The following TBC1D24 variants were observed in gnomAD, a reference collection of about 807,000 sequenced individuals.
TBC1D24 encodes the protein Infantile myoclonic epilepsy.
In TBC1D24, 47 loss-of-function variants were observed where a neutral mutation model predicts 50.7. That is an observed-to-expected ratio of 0.93 (90% confidence interval 0.73 to 1.18). TBC1D24 has a LOEUF of 1.18. TBC1D24 is among the 50% of genes most tolerant of loss of function. TBC1D24 has a pLI of 0.00. For missense variants in TBC1D24, 688 were observed against 766.5 expected, an observed-to-expected ratio of 0.90 and a Z score of 1.21; for synonymous variants, 324 against 335.2, an observed-to-expected ratio of 0.97 and a Z score of 0.36.
chr16:2,477,468 G>C (rs2065578079), intron 1 of TBC1D24: 1 of 152,264 alleles, frequency 6.6e-6, no homozygotes, highest in African/African-American at 2.4e-5. Context: ...GGGAAGCTGA[G>C]GCAGAAGGAT....
chr16:2,500,564 C>T lies in TBC1D24; in HGVS notation c.1525+74C>T. The T allele has an allele frequency of 6.8e-7, 1 of 1,465,734 alleles. No homozygotes were observed. The highest frequency in any genetic ancestry group is 2.0e-5 in the Admixed American group (1 of 49,756). 90.8% of individuals were successfully genotyped at this position (1,465,734 alleles called of 1,614,324 possible). A position where few individuals can be genotyped will look rare whatever the true frequency, so the allele number is the denominator to read the frequency against. On this transcript the variant is annotated intron_variant, in intron 7 of 7. Coordinates refer to ENST00000646147, the MANE Select transcript of TBC1D24 (RefSeq NM_001199107.2). This position sits in a 1 kb window ranked among gnomAD's most constrained non-coding sequence, Gnocchi z 8.0. ...AGCTGAAGCTGCTGCACCCAGCCCT[C>T]CCTGACCGGGGTGGCAGAGAAGAGG...
In TBC1D24 at chr16:2,487,359, G is replaced by A. The variant is rs957229298; in HGVS notation, c.-115-8675G>A. 1.3e-5 allele frequency among the ~76,000 whole-genome samples: 2 copies of A among 152,238 alleles called. No individual in the cohort carries two copies. Among genetic ancestry groups the A allele is most frequent in the Admixed American group, 6.5e-5 (1 of 15,286 alleles). The stretch of plus-strand genomic sequence containing the variant: ...ACTGCAGGACGAGGGAGCCGCGGTC[G>A]TATGCTGCCTCCTCACGTTTGCTGT... On this transcript the variant is annotated intron_variant, in intron 1 of 7. Transcript: ENST00000646147. The surrounding 1 kb of genome is among the most constrained non-coding windows in gnomAD (Gnocchi z 4.1).
chr16:2,493,251 G>A (rs1427172659), intron 1 of TBC1D24, among the ~76,000 whole-genome samples: 4 of 151,568 alleles, frequency 2.6e-5, no homozygotes, highest in Admixed American at 6.6e-5. Context: ...TCATTCTCCT[G>A]CCTCAGCCTC....
At position 2,496,625 on chromosome 16, in the gene TBC1D24, G is replaced by C. The variant is rs756939943; in HGVS notation, c.477G>C (p.Leu159=). The C allele has an allele frequency of 1.9e-6, 3 of 1,611,868 alleles. No individual in the cohort carries two copies. The highest frequency in any genetic ancestry group is 2.7e-5 in the African/African-American group (2 of 75,062). The change falls in exon 2 of 8, where the codon CTG becomes CTC. Residue 159 remains leucine, a synonymous_variant. Transcript: ENST00000646147. ...GCTTCGAGAAGGCCTGCCGCATCCT[G>C]GCCTGCAATGACCCCGGCAGGAGGC... ...AECFEKACRI[L]ACNDPGRRLI...
In TBC1D24 at chr16:2,501,508, G is replaced by A; in HGVS notation, c.*550G>A. 1 of 159,438 alleles carries A rather than the reference G, an allele frequency of 6.3e-6. No individual in the cohort carries two copies. Among genetic ancestry groups the A allele is most frequent in the Non-Finnish European group, 1.4e-5 (1 of 71,924 alleles). 9.9% of individuals were successfully genotyped at this position (159,438 alleles called of 1,614,324 possible). On this transcript the variant is annotated 3_prime_UTR_variant, in exon 8 of 8. Transcript: ENST00000646147. ...TGCCCCCTGGCGGACCCCACCCCCT[G>A]TCCTGGGCGTTTGCCCCAGTTCCCT...
Position 2,499,693 on chromosome 16 carries a change from C to T in TBC1D24, c.1207-142C>T, listed in dbSNP as rs903023297. 5 of 832,876 alleles carry T rather than the reference C, an allele frequency of 6.0e-6. No homozygotes were observed. The Admixed American group carries it at 9.2e-5, about 15-fold the overall frequency. The allele number at this position is 832,876 out of a possible 1,614,324, so 51.6% of individuals were successfully genotyped here. ...CACCTGCAACACTGCCTTTCCCACA[C>T]CACTCCTGCCCTGGGGTGGGGGTGG... On this transcript the variant is annotated intron_variant, in intron 5 of 7. Transcript: ENST00000646147. The surrounding 1 kb of genome is among the most constrained non-coding windows in gnomAD (Gnocchi z 4.0).
rs1335191484 is a variant in TBC1D24 at position 2,500,516 on chromosome 16, G to A, written c.1525+26G>A. 3 of 1,541,948 alleles carry A rather than the reference G, an allele frequency of 1.9e-6. No individual in the cohort carries two copies. Among genetic ancestry groups the A allele is most frequent in the Admixed American group, 3.9e-5 (2 of 51,174 alleles). Reference sequence around the variant, plus strand: ...GTGAGCGCCAGCAGACGGGGCTCTGGGATGAGGGTGTGGGGTCCGGGCAGC... The same window carrying A: ...GTGAGCGCCAGCAGACGGGGCTCTGAGATGAGGGTGTGGGGTCCGGGCAGC... On this transcript the variant is annotated intron_variant, in intron 7 of 7. Transcript: ENST00000646147. The surrounding 1 kb of genome is among the most constrained non-coding windows in gnomAD (Gnocchi z 8.0).
In TBC1D24 at chr16:2,496,524, C is replaced by T. The variant is rs1392340707; in HGVS notation, c.376C>T (p.Pro126Ser). 2 of 1,608,812 alleles carry T rather than the reference C, an allele frequency of 1.2e-6. No individual in the cohort carries two copies. Among genetic ancestry groups the T allele is most frequent in the South Asian group, 1.1e-5 (1 of 91,066 alleles). The change falls in exon 2 of 8, where the codon CCC becomes TCC. Residue 126 changes from proline (P) to serine (S), a missense_variant. Transcript: ENST00000646147. ...CCTCCTGTGCCTGGCCAACCAGTTC[C>T]CCGACATCTCCTTCTGCCCCGCCCT... The part of the protein sequence containing the change: ...KILLCLANQF[P>S]DISFCPALPA...
Position 2,500,525 on chromosome 16 carries a change from T to C in TBC1D24, c.1525+35T>C, listed in dbSNP as rs1004793997. 6.5e-7 allele frequency: 1 copy of C among 1,534,778 alleles called. No individual in the cohort carries two copies. The highest frequency in any genetic ancestry group is 2.2e-4 in the Middle Eastern group (1 of 4,620). On this transcript the variant is annotated intron_variant, in intron 7 of 7. Coordinates refer to ENST00000646147, the MANE Select transcript of TBC1D24 (RefSeq NM_001199107.2). The surrounding 1 kb of genome is among the most constrained non-coding windows in gnomAD (Gnocchi z 8.0). ...AGCAGACGGGGCTCTGGGATGAGGG[T>C]GTGGGGTCCGGGCAGCTGAAGCTGC...
chr16:2,487,945 G>T lies in TBC1D24; in HGVS notation c.-115-8089G>T, dbSNP rs567913469. ...CAGCAACAGCAGCCAGCAGCTGTGG[G>T]GTTGTGTTCCGCCCCGAGGCTGGGG... On this transcript the variant is annotated intron_variant, in intron 1 of 7. Transcript: ENST00000646147. This position sits in a 1 kb window ranked among gnomAD's most constrained non-coding sequence, Gnocchi z 4.1. 5.9e-4 allele frequency among the ~76,000 whole-genome samples: 90 copies of T among 152,348 alleles called. No homozygotes were observed. The South Asian group carries it at 0.011, about 18-fold the overall frequency.
intron 1 of TBC1D24, chr16:2,481,955 T>C (rs2060356494): frequency 2.0e-5 from 3 of 152,390 alleles, no homozygotes; most frequent in African/African-American, 7.2e-5. Flanking sequence ...GAGCCCACTA[T>C]CAAGTTCCCC....
In TBC1D24 at chr16:2,501,248, A is replaced by G. The variant is rs2065791797; in HGVS notation, c.*290A>G. 6.0e-6 allele frequency: 3 copies of G among 499,364 alleles called. No homozygotes were observed. The highest frequency in any genetic ancestry group is 7.3e-5 in the East Asian group (2 of 27,410). 30.9% of individuals were successfully genotyped at this position (499,364 alleles called of 1,614,324 possible). On this transcript the variant is annotated 3_prime_UTR_variant, in exon 8 of 8. Coordinates refer to ENST00000646147, the MANE Select transcript of TBC1D24 (RefSeq NM_001199107.2). Reference sequence around the variant, plus strand: ...ACCTTCCTCCTCCGTGGAGGCTTCCATAGCCCAAGGCCTTGGGAGTGTCTG... The same window carrying G: ...ACCTTCCTCCTCCGTGGAGGCTTCCGTAGCCCAAGGCCTTGGGAGTGTCTG...
chr16:2,493,391 G>A (rs138307643), intron 1 of TBC1D24, among the ~76,000 whole-genome samples: 2,347 of 152,018 alleles, frequency 0.015, 30 homozygotes, highest in Non-Finnish European at 0.024. Flanking sequence ...CACCCGCCTC[G>A]GCCTCCCAAA....
Position 2,498,234 on chromosome 16 carries a change from T to C in TBC1D24, c.984-4T>C. On this transcript the variant is annotated splice_region_variant and splice_polypyrimidine_tract_variant and intron_variant, in intron 3 of 7. Transcript: ENST00000646147. Reference sequence around the variant, plus strand: ...GGGCTCTGACCCCTGCTCGCTCCCCTCAGGCAGTTTGTACACTTGGCCGTC... The same window carrying C: ...GGGCTCTGACCCCTGCTCGCTCCCCCCAGGCAGTTTGTACACTTGGCCGTC... The C allele has an allele frequency of 6.2e-7, 1 of 1,603,708 alleles. No individual in the cohort carries two copies. The highest frequency in any genetic ancestry group is 8.5e-7 in the Non-Finnish European group (1 of 1,175,020).
At position 2,495,002 on chromosome 16, in the gene TBC1D24, TCACACA is replaced by T. The variant is rs527454795; in HGVS notation, c.-115-1005_-115-1000del. ...ACCTGGGTGACAGAACAAGACCCCA[TCACACA>T]CACACACACACACACACACACACAC... On this transcript the variant is annotated intron_variant, in intron 1 of 7. Coordinates refer to ENST00000646147, the MANE Select transcript of TBC1D24 (RefSeq NM_001199107.2). Among the ~76,000 whole-genome samples the T allele has an allele frequency of 4.3e-4, 59 of 138,046 alleles. 1 individual carries two copies. The highest frequency in any genetic ancestry group is 3.7e-3 in the Admixed American group (50 of 13,678). 90.6% of individuals were successfully genotyped at this position (138,046 alleles called of 152,430 possible).
chr16:2,498,168 G>A, intron 3 of TBC1D24, 70 bp from the exon 4 acceptor site: 5 of 1,534,118 alleles, frequency 3.3e-6, no homozygotes, highest in Non-Finnish European at 3.5e-6. Flanking sequence ...AGGCTCTGGG[G>A]CATACCTCGG....
At chr16:2,492,986 G>A (rs891312859) in intron 1 of TBC1D24, among the ~76,000 whole-genome samples, 9 of 151,904 alleles carry the variant, frequency 5.9e-5, no homozygotes, top group African/African-American at 2.2e-4. Context: ...CAGCTACTTG[G>A]GAGGCTGAGG....
At position 2,500,970 on chromosome 16, in the gene TBC1D24, AC is replaced by A. The variant is rs768889903; in HGVS notation, c.*13del. ...CTGACACCCAGTGACGGCCTGTGCC[AC>A]GGTGACTGAGCCGTGGTGGGGCGGT... On this transcript the variant is annotated 3_prime_UTR_variant, in exon 8 of 8. Coordinates refer to ENST00000646147, the MANE Select transcript of TBC1D24 (RefSeq NM_001199107.2). The surrounding 1 kb of genome is among the most constrained non-coding windows in gnomAD (Gnocchi z 8.0). The A allele has an allele frequency of 1.7e-5, 28 of 1,608,232 alleles. No individual in the cohort carries two copies. Among genetic ancestry groups the A allele is most frequent in the Non-Finnish European group, 3.4e-6 (4 of 1,179,822 alleles).
Position 2,501,001 on chromosome 16 carries a change from C to T in TBC1D24, c.*43C>T, listed in dbSNP as rs1567415190. On this transcript the variant is annotated 3_prime_UTR_variant, in exon 8 of 8. Transcript: ENST00000646147. Reference sequence around the variant, plus strand: ...ACTGAGCCGTGGTGGGGCGGTGGGCCGAGGCTGGGCTGCCGCCTCGGGCAG... The same window carrying T: ...ACTGAGCCGTGGTGGGGCGGTGGGCTGAGGCTGGGCTGCCGCCTCGGGCAG... 1.0e-5 allele frequency: 16 copies of T among 1,602,056 alleles called. No homozygotes were observed. The Middle Eastern group carries it at 4.9e-4, about 49-fold the overall frequency.
Sources: gnomAD v4.1 joint callset for allele counts (sites outside exome capture counted in the v4.1 genomes callset) on GRCh38, gnomAD v4.1.1 for gene constraint, Gnocchi (gnomAD v3.1) non-coding constraint, MANE v1.5 for transcripts, NCBI Gene and HGNC (gene_info 2026-07-23, HGNC 2026-07-21) for gene names.